Variants in FAM98B observed in about 807,000 individuals in gnomAD.
FAM98B encodes the protein tRNA-splicing ligase complex subunit FAM98B.
Under a neutral mutation model 43.9 loss-of-function variants are expected in FAM98B, and 32 were observed. That is an observed-to-expected ratio of 0.73 (90% CI 0.55 to 0.98). FAM98B has a LOEUF of 0.98. FAM98B is among the 50% of genes least tolerant of loss of function. FAM98B has a pLI of 0.00. For missense variants in FAM98B, 514 were observed against 522.9 expected (o/e 0.98, Z 0.17); for synonymous variants, 190 against 174.0 (o/e 1.09, Z -0.72).
At chr15:38,466,467 A>T (rs1890034154) in intron 3 of FAM98B, among the ~76,000 whole-genome samples, 1 of 152,146 alleles carries the variant, frequency 6.6e-6, no homozygotes, top group African/African-American at 2.4e-5. Context: ...GTCAATGAGA[A>T]TTATGTAATC....
Position 38,454,145 on chromosome 15 carries a change from C to T in FAM98B, c.-17C>T. ...GCGGGCTACTTAGAGCGCCGAACAGCTCTGGGCCAAAGGACCATGAGAGGG... is the reference window on the plus strand; with the variant it reads ...GCGGGCTACTTAGAGCGCCGAACAGTTCTGGGCCAAAGGACCATGAGAGGG... On this transcript the variant is annotated 5_prime_UTR_variant, in exon 1 of 8. Transcript: ENST00000397609. 1 of 1,588,046 alleles carries T rather than the reference C, an allele frequency of 6.3e-7. No homozygotes were observed. Among genetic ancestry groups the T allele is most frequent in the East Asian group, 2.3e-5 (1 of 44,012 alleles).
rs764620232 is a variant in FAM98B, at chr15:38,484,323, G to T, written c.966G>T (p.Met322Ile). The change falls in exon 8 of 8, where the codon ATG becomes ATT. Residue 322 changes from methionine to isoleucine, a missense_variant. This residue lies in a region of FAM98B where 469 missense variants were observed against 451.8 expected (regional missense o/e 1.04). Coordinates refer to ENST00000397609, the MANE Select transcript of FAM98B (RefSeq NM_173611.4). Reference sequence around the variant, plus strand: ...AAATTGAACCACCACCTCCAGAAATGCCCCCTTGGCAAAAGAGACAAGAAG... The same window carrying T: ...AAATTGAACCACCACCTCCAGAAATTCCCCCTTGGCAAAAGAGACAAGAAG... ...PNEIEPPPPE[M>I]PPWQKRQEGG... 33 of 1,544,342 alleles carry T rather than the reference G, an allele frequency of 2.1e-5. No homozygotes were observed. Among genetic ancestry groups the T allele is most frequent in the Non-Finnish European group, 2.9e-5 (33 of 1,145,140 alleles).
chr15:38,481,876 CT>C (rs1890292015), intron 7 of FAM98B: 1 of 292,322 alleles, frequency 3.4e-6, no homozygotes, highest in South Asian at 4.6e-5. Flanking sequence ...CTGTCATTTA[CT>C]TACAGAAATG....
chr15:38,477,497 T>A (rs1232594151), intron 6 of FAM98B, among the ~76,000 whole-genome samples: 1 of 152,182 alleles, frequency 6.6e-6, no homozygotes, highest in Non-Finnish European at 1.5e-5. Context: ...TCAGTATGAT[T>A]CATTTACCTA....
Position 38,454,223 on chromosome 15 carries a change from A to C in FAM98B, c.62A>C (p.Glu21Ala). 1.9e-6 allele frequency: 3 copies of C among 1,602,834 alleles called. No individual in the cohort carries two copies. The highest frequency in any genetic ancestry group is 1.7e-6 in the Non-Finnish European group (2 of 1,176,064). The part of the protein sequence containing the change: ...TMEGDVLDTL[E>A]ALGYKGPLLE... ...GAGGGAGACGTGCTGGACACACTGG[A>C]GGCGCTGGGGTGAGTGCTTTTGGAG... The change falls in exon 1 of 8, where the codon GAG becomes GCG. Residue 21 changes from glutamate (E) to alanine (A), a missense_variant. By Grantham distance (107) the Glu-to-Ala change is moderately radical. This residue lies in a region of FAM98B where 469 missense variants were observed against 451.8 expected (regional missense o/e 1.04). Transcript: ENST00000397609.
chr15:38,474,636 G>A (rs757378254), intron 6 of FAM98B, among the ~76,000 whole-genome samples: 1 of 152,222 alleles, frequency 6.6e-6, no homozygotes, highest in Non-Finnish European at 1.5e-5. Context: ...GTTGCAGGTA[G>A]TACTGATGCC....
At chr15:38,468,781 T>A (rs541652005) in intron 3 of FAM98B, among the ~76,000 whole-genome samples, 1 of 152,256 alleles carries the variant, frequency 6.6e-6, no homozygotes, top group South Asian at 2.1e-4. Context: ...TCTCAGAGGA[T>A]GGGACCCTGG....
intron 7 of FAM98B, chr15:38,482,868 C>T (rs529669984): frequency 6.6e-6 from 1 of 152,246 alleles, no homozygotes; most frequent in African/African-American, 2.4e-5. Context: ...TTAAACTCTT[C>T]CCTAGTTTAT....
chr15:38,469,776 T>C (rs183595959), intron 3 of FAM98B, among the ~76,000 whole-genome samples: 1 of 151,938 alleles, frequency 6.6e-6, no homozygotes, highest in African/African-American at 2.4e-5. Flanking sequence ...TAGTGCCCTT[T>C]TTTTTTTTGT....
intron 7 of FAM98B, 139 bp downstream of exon 7, chr15:38,481,598 A>G: frequency 1.2e-6 from 2 of 1,600,414 alleles, no homozygotes; most frequent in South Asian, 2.2e-5. Context: ...GTCTAGGCTT[A>G]GTTATGTTAT....
chr15:38,481,192 T>C lies in FAM98B; in HGVS notation c.730-100T>C. 1.8e-5 allele frequency: 17 copies of C among 965,200 alleles called. 1 individual carries two copies. In the South Asian group the frequency reaches 2.9e-4, roughly 16 times the overall value. The allele number at this position is 965,200 out of a possible 1,614,324, so 59.8% of individuals were successfully genotyped here. A position where few individuals can be genotyped will look rare whatever the true frequency, so the allele number is the denominator to read the frequency against. ...TTGCTCTTTTCTAACTCCTTGCTTA[T>C]GCATTATCTCCTTTTCTTTATTTCT... On this transcript the variant is annotated intron_variant, in intron 6 of 7. Coordinates refer to ENST00000397609, the MANE Select transcript of FAM98B (RefSeq NM_173611.4).
At chr15:38,469,851 ACGCTGCTGTT>A (rs1235593809) in intron 3 of FAM98B, among the ~76,000 whole-genome samples, 3 of 151,922 alleles carry the variant, frequency 2.0e-5, no homozygotes, top group African/African-American at 7.3e-5. Flanking sequence ...GATGAAAGTT[ACGCTGCTGTT>A]TTCTGGGGGC....
intron 1 of FAM98B, chr15:38,459,523 G>A (rs1020666030): frequency 1.3e-5 from 4 of 315,822 alleles, no homozygotes; most frequent in Middle Eastern, 1.2e-3. Flanking sequence ...CCTGGGTGAT[G>A]ATGGAACTGT....
At chr15:38,459,123 C>T (rs1301104648) in intron 1 of FAM98B, 1 of 340,102 alleles carries the variant, frequency 2.9e-6, no homozygotes, top group South Asian at 2.6e-5. Context: ...TCCACGTGAG[C>T]TCTTTTGAGG....
intron 6 of FAM98B, among the ~76,000 whole-genome samples, chr15:38,478,904 G>A (rs1030961949): frequency 3.6e-4 from 54 of 151,954 alleles, no homozygotes; most frequent in African/African-American, 1.3e-3. Context: ...CTCTATTTTA[G>A]TACCCTTTTT....
chr15:38,471,580 A>G (rs1223011498), intron 4 of FAM98B, among the ~76,000 whole-genome samples: 2 of 152,102 alleles, frequency 1.3e-5, no homozygotes, highest in Non-Finnish European at 2.9e-5. Context: ...GCCTCGGTTC[A>G]AATACTGGCA....
chr15:38,470,411 A>T lies in FAM98B; in HGVS notation c.531+6A>T. On this transcript the variant is annotated splice_donor_region_variant and intron_variant, in intron 4 of 7. Coordinates refer to ENST00000397609, the MANE Select transcript of FAM98B (RefSeq NM_173611.4). Reference sequence around the variant, plus strand: ...TAAACCAAGTGGAATCAAAGGTATTATCTTTGTTTTATTTTCCCCAAAATT... The same window carrying T: ...TAAACCAAGTGGAATCAAAGGTATTTTCTTTGTTTTATTTTCCCCAAAATT... 6.3e-7 allele frequency: 1 copy of T among 1,576,566 alleles called. No homozygotes were observed. Among genetic ancestry groups the T allele is most frequent in the Non-Finnish European group, 8.6e-7 (1 of 1,168,660 alleles).
chr15:38,454,293 T>C (rs1889813229), intron 1 of FAM98B, 61 bp downstream of exon 1: 2 of 1,530,898 alleles, frequency 1.3e-6, no homozygotes, highest in South Asian at 2.4e-5. Flanking sequence ...CCTGGCTGCT[T>C]AGCCTACTTC....
chr15:38,455,585 G>A (rs1005592313), intron 1 of FAM98B, among the ~76,000 whole-genome samples: 3 of 152,168 alleles, frequency 2.0e-5, no homozygotes, highest in Admixed American at 1.3e-4. Context: ...TTTTACTTCT[G>A]TGAAGTCCCT....
Sources: gnomAD v4.1 joint callset for allele counts (sites outside exome capture counted in the v4.1 genomes callset) on GRCh38, gnomAD v4.1.1 for gene constraint, gnomAD v4.1.1 regional missense constraint, MANE v1.5 for transcripts, NCBI Gene and HGNC (gene_info 2026-07-23, HGNC 2026-07-21) for gene names.